WDR41: variants seen among roughly 807,000 people sequenced by gnomAD.
WDR41 encodes the protein WD repeat domain 41.
In WDR41, 63 loss-of-function variants were observed where a neutral mutation model predicts 69.3. That is an observed-to-expected ratio of 0.91 (90% confidence interval 0.74 to 1.12). The LOEUF (loss-of-function observed/expected upper bound fraction) is 1.12. Ranked by LOEUF, WDR41 falls within the 50% of genes most tolerant of loss-of-function variation. WDR41 has a pLI of 0.00. For synonymous variants in WDR41, 185 were observed against 192.1 expected (o/e 0.96, Z 0.31); for missense variants, 543 against 534.5 (o/e 1.02, Z -0.16).
intron 1 of WDR41, among the ~76,000 whole-genome samples, chr5:77,501,280 AG>A (rs1299793640): frequency 6.6e-6 from 1 of 152,226 alleles, no homozygotes; most frequent in Admixed American, 6.5e-5. Context: ...CTGCTAGTGT[AG>A]CTGTCTGAGA....
intron 1 of WDR41, among the ~76,000 whole-genome samples, chr5:77,548,219 T>C (rs904022086): frequency 2.0e-5 from 3 of 152,356 alleles, no homozygotes; most frequent in Admixed American, 1.3e-4. Flanking sequence ...GACATTGGCT[T>C]AGCCAAGGAT....
chr5:77,499,201 G>C (rs1227225192), intron 1 of WDR41: 1 of 152,192 alleles, frequency 6.6e-6, no homozygotes, highest in Non-Finnish European at 1.5e-5. Flanking sequence ...GAATGGGGAA[G>C]AATACCAGAA....
chr5:77,582,681 C>T, intron 1 of WDR41: 1 of 1,599,498 alleles, frequency 6.3e-7, no homozygotes, highest in Non-Finnish European at 8.5e-7. Context: ...GTGCTGTGAG[C>T]CCAAAGGTCC....
intron 8 of WDR41, among the ~76,000 whole-genome samples, chr5:77,448,750 T>C (rs1337909187): frequency 1.3e-5 from 2 of 151,654 alleles, no homozygotes; most frequent in East Asian, 1.9e-4. Context: ...CGCCTGTAGT[T>C]CCAGCTATTT....
rs1034359847 is a variant in WDR41 at position 77,431,944 on chromosome 5, A to C, written c.*1191T>G. On this transcript the variant is annotated 3_prime_UTR_variant, in exon 13 of 13. Coordinates refer to ENST00000296679, the MANE Select transcript of WDR41 (RefSeq NM_018268.4). ...TGCTTGGTGATACTGGGCACTACAGATTTAATTGCAAGGCCTTACTGCACT... is the reference window on the plus strand; with the variant it reads ...TGCTTGGTGATACTGGGCACTACAGCTTTAATTGCAAGGCCTTACTGCACT... The C allele has an allele frequency of 2.0e-5, 3 of 152,154 alleles. No individual in the cohort carries two copies. The highest frequency in any genetic ancestry group is 2.9e-5 in the Non-Finnish European group (2 of 68,036). The allele number at this position is 152,154 out of a possible 1,614,324, so 9.4% of individuals were successfully genotyped here.
chr5:77,550,946 C>G (rs142950910), intron 1 of WDR41, among the ~76,000 whole-genome samples: 1 of 152,198 alleles, frequency 6.6e-6, no homozygotes, highest in African/African-American at 2.4e-5. Context: ...CAAATTAATG[C>G]AGGAACAGAA....
chr5:77,465,858 T>A (rs1391227477), intron 2 of WDR41, among the ~76,000 whole-genome samples: 1 of 151,928 alleles, frequency 6.6e-6, no homozygotes, highest in Non-Finnish European at 1.5e-5. Context: ...CTTTATGAGA[T>A]AACAAAATCC....
intron 1 of WDR41, among the ~76,000 whole-genome samples, chr5:77,556,042 C>A (rs1743383063): frequency 6.7e-6 from 1 of 150,102 alleles, no homozygotes; most frequent in Non-Finnish European, 1.5e-5. Flanking sequence ...ACAGAGAACC[C>A]AGAACCCAGA....
chr5:77,449,296 A>G (rs77384767), intron 8 of WDR41, among the ~76,000 whole-genome samples: 2,586 of 152,274 alleles, frequency 0.017, 67 homozygotes, highest in African/African-American at 0.056. Context: ...TTAGTTTGGT[A>G]TTATTCTTTG....
chr5:77,591,465 A>G (rs1049111738), intron 1 of WDR41, among the ~76,000 whole-genome samples: 2 of 152,058 alleles, frequency 1.3e-5, no homozygotes, highest in Non-Finnish European at 2.9e-5. Context: ...CAGATCCTTT[A>G]CTAATTTCAT....
intron 4 of WDR41, 135 bp from the exon 5 acceptor site, chr5:77,459,259 TACC>T: frequency 1.7e-6 from 1 of 602,232 alleles, no homozygotes; most frequent in Non-Finnish European, 2.9e-6. Flanking sequence ...TTAGTGTTTA[TACC>T]ACCACAAAAA....
At chr5:77,547,947 G>A (rs971690451) in intron 1 of WDR41, among the ~76,000 whole-genome samples, 2 of 152,042 alleles carry the variant, frequency 1.3e-5, no homozygotes, top group Admixed American at 6.6e-5. Context: ...ATAGACCAAC[G>A]GAACAGAATA....
intron 4 of WDR41, among the ~76,000 whole-genome samples, chr5:77,462,423 A>AC (rs1800112489): frequency 1.3e-5 from 2 of 151,326 alleles, no homozygotes; most frequent in African/African-American, 4.9e-5. Flanking sequence ...AAAAAAAAAA[A>AC]AAAAGAATTA....
intron 8 of WDR41, among the ~76,000 whole-genome samples, chr5:77,444,314 T>TA (rs1452481924): frequency 6.6e-6 from 1 of 152,212 alleles, no homozygotes; most frequent in Non-Finnish European, 1.5e-5. Context: ...AAAAGCCACT[T>TA]AGTATGAAAA....
rs192515977 is a variant in WDR41 at position 77,531,548 on chromosome 5, A to G, written c.43-41976T>C. Among the ~76,000 whole-genome samples, 923 of 152,068 alleles carry G rather than the reference A, an allele frequency of 6.1e-3. 6 individuals carry two copies. The highest frequency in any genetic ancestry group is 0.011 in the South Asian group (55 of 4,826). The stretch of plus-strand genomic sequence containing the variant: ...GAAATAGGAACCCTTGTACATTGGT[A>G]GTGGGAATGTTCAGCTGCTGTGGAA... On this transcript the variant is annotated intron_variant, in intron 1 of 5. Coordinates refer to the WDR41 transcript ENST00000509971.
At chr5:77,482,391 A>G (rs1305184457) in intron 2 of WDR41, among the ~76,000 whole-genome samples, 1 of 152,228 alleles carries the variant, frequency 6.6e-6, no homozygotes, top group Non-Finnish European at 1.5e-5. Flanking sequence ...AGGCTTCTAT[A>G]GTACACTTGG....
intron 1 of WDR41, among the ~76,000 whole-genome samples, chr5:77,609,023 GTCC>G (rs1242465788): frequency 3.9e-5 from 6 of 152,198 alleles, no homozygotes; most frequent in Admixed American, 6.5e-5. Flanking sequence ...GGCTCGGAGG[GTCC>G]TATGCCCACG....
intron 8 of WDR41, among the ~76,000 whole-genome samples, chr5:77,449,289 G>C (rs1457654866): frequency 6.6e-6 from 1 of 152,194 alleles, no homozygotes; most frequent in Admixed American, 6.5e-5. Context: ...TTTTACTTTA[G>C]TTTGGTATTA....
chr5:77,526,450 A>T, intron 1 of WDR41, among the ~76,000 whole-genome samples: 1 of 152,126 alleles, frequency 6.6e-6, no homozygotes, highest in East Asian at 1.9e-4. Context: ...TTAAATATGT[A>T]TTTCTATTTT....
Sources: allele counts gnomAD v4.1 joint callset (sites outside exome capture counted in the v4.1 genomes callset), GRCh38; gene constraint gnomAD v4.1.1; transcripts MANE v1.5; gene names NCBI Gene and HGNC (gene_info 2026-07-23, HGNC 2026-07-21).